EPHA6: variants seen among roughly 807,000 people sequenced by gnomAD.
The protein encoded by EPHA6 is ephrin type-A receptor 6.
In EPHA6, 50 loss-of-function variants were observed where a neutral mutation model predicts 112.0. The ratio of observed to expected loss-of-function variants is 0.45; its 90% CI spans 0.36 to 0.56. EPHA6 has a LOEUF of 0.56. Among genes scored for constraint, EPHA6 ranks in the 20% least tolerant of loss-of-function variants. The pLI is 0.00. For synonymous variants in EPHA6, 529 were observed against 490.7 expected, an observed-to-expected ratio of 1.08 and a Z score of -1.03; for missense variants, 1,280 against 1,417.4, an observed-to-expected ratio of 0.90 and a Z score of 1.56.
rs570478482 is a variant in EPHA6, at chr3:97,170,715, C to T, written c.1115-55549C>T. ...TCTTACCGCTGCCCTTCCACCTGGGCGACAGAGCGAGCCGATGTCTCAAAA... is the reference window on the plus strand; with the variant it reads ...TCTTACCGCTGCCCTTCCACCTGGGTGACAGAGCGAGCCGATGTCTCAAAA... On this transcript the variant is annotated intron_variant, in intron 3 of 17. Transcript: ENST00000389672. 9.2e-5 allele frequency among the ~76,000 whole-genome samples: 14 copies of T among 151,360 alleles called. No homozygotes were observed. In the East Asian group the frequency reaches 9.8e-4, roughly 11 times the overall value.
chr3:97,655,768 AG>A lies in EPHA6; in HGVS notation c.2784+17692del, dbSNP rs541675750. Among the ~76,000 whole-genome samples, 26 of 30,980 alleles carry A rather than the reference AG, an allele frequency of 8.4e-4. No homozygotes were observed. The East Asian group carries it at 0.026, about 31-fold the overall frequency. The allele number at this position is 30,980 out of a possible 152,430, so 20.3% of individuals were successfully genotyped here. A position where few individuals can be genotyped will look rare whatever the true frequency, so the allele number is the denominator to read the frequency against. ...GGGGGGCCTGTTGTGGAGTGGGGGG[AG>A]GGGGGAGGGATAGCATTAGGAGATA... On this transcript the variant is annotated intron_variant, in intron 14 of 17. Coordinates refer to ENST00000389672, the MANE Select transcript of EPHA6 (RefSeq NM_001080448.3).
chr3:97,102,792 T>C (rs1375515443), intron 3 of EPHA6, among the ~76,000 whole-genome samples: 1 of 151,770 alleles, frequency 6.6e-6, no homozygotes, highest in Non-Finnish European at 1.5e-5. Context: ...TCTGTTATCT[T>C]TTTTTTTGGC....
chr3:97,303,507 T>C (rs1168360599), intron 5 of EPHA6, among the ~76,000 whole-genome samples: 1 of 151,894 alleles, frequency 6.6e-6, no homozygotes, highest in African/African-American at 2.4e-5. Context: ...ATTATGGAGG[T>C]TGAGAAGTCC....
At chr3:96,913,006 G>A (rs2039296973) in intron 2 of EPHA6, among the ~76,000 whole-genome samples, 1 of 151,958 alleles carries the variant, frequency 6.6e-6, no homozygotes, top group South Asian at 2.1e-4. Flanking sequence ...GCAGTGTAAG[G>A]TAGAATTAGA....
chr3:96,984,001 T>A (rs1157815075), intron 2 of EPHA6, among the ~76,000 whole-genome samples: 1 of 152,164 alleles, frequency 6.6e-6, no homozygotes, highest in Admixed American at 6.5e-5. Context: ...GGTTCTAACT[T>A]CCTTCTTTAG....
chr3:97,260,025 T>C (rs1010265322), intron 5 of EPHA6, among the ~76,000 whole-genome samples: 5 of 152,136 alleles, frequency 3.3e-5, no homozygotes, highest in Middle Eastern at 3.2e-3. Context: ...GGTCTGGAAC[T>C]CCCGAACTCA....
chr3:97,032,444 A>T (rs1450196766), intron 3 of EPHA6, among the ~76,000 whole-genome samples: 1 of 152,120 alleles, frequency 6.6e-6, no homozygotes, highest in Non-Finnish European at 1.5e-5. Flanking sequence ...AACTTAAAGT[A>T]TAATAATAAA....
At chr3:96,919,091 CTACTG>C (rs1037238597) in intron 2 of EPHA6, among the ~76,000 whole-genome samples, 34 of 151,942 alleles carry the variant, frequency 2.2e-4, no homozygotes, top group African/African-American at 7.9e-4. Flanking sequence ...CTTATTGACT[CTACTG>C]TATTATTCAT....
intron 3 of EPHA6, among the ~76,000 whole-genome samples, chr3:97,109,383 A>G (rs1269465713): frequency 1.3e-5 from 2 of 152,176 alleles, no homozygotes; most frequent in Non-Finnish European, 1.5e-5. Flanking sequence ...ATGAAACACA[A>G]CTGTCTCTCA....
intron 11 of EPHA6, among the ~76,000 whole-genome samples, chr3:97,569,423 A>G (rs1251933666): frequency 6.6e-6 from 1 of 152,156 alleles, no homozygotes; most frequent in Non-Finnish European, 1.5e-5. Context: ...TTGATTTTGT[A>G]TTCATTGGCA....
At chr3:97,253,258 T>C (rs2079196103) in intron 5 of EPHA6, among the ~76,000 whole-genome samples, 1 of 152,234 alleles carries the variant, frequency 6.6e-6, no homozygotes, top group Non-Finnish European at 1.5e-5. Flanking sequence ...GACATTTTCC[T>C]GATTTTTATG....
chr3:97,708,768 C>A (rs942030114), intron 14 of EPHA6, among the ~76,000 whole-genome samples: 2 of 152,184 alleles, frequency 1.3e-5, no homozygotes, highest in African/African-American at 4.8e-5. Context: ...GGACTTGGTG[C>A]CCAGTGTCCC....
chr3:97,563,631 T>C (rs1399221173), intron 11 of EPHA6, among the ~76,000 whole-genome samples: 3 of 152,200 alleles, frequency 2.0e-5, no homozygotes, highest in Admixed American at 2.0e-4. Flanking sequence ...AAGTAAAATT[T>C]ATCTTTAAAA....
At chr3:97,619,646 A>G (rs1576098405) in intron 13 of EPHA6, among the ~76,000 whole-genome samples, 2 of 152,010 alleles carry the variant, frequency 1.3e-5, no homozygotes, top group Non-Finnish European at 2.9e-5. Context: ...TAGCCAAATC[A>G]CAAAGGAACC....
chr3:97,234,688 C>A (rs1576738979), intron 4 of EPHA6, among the ~76,000 whole-genome samples: 3 of 152,142 alleles, frequency 2.0e-5, no homozygotes, highest in East Asian at 3.9e-4. Context: ...ATTGATGATT[C>A]TTCTTCTTTT....
At chr3:97,586,727 T>TAGACAGACAGACAGAC (rs138628909) in intron 11 of EPHA6, among the ~76,000 whole-genome samples, 109 of 151,464 alleles carry the variant, frequency 7.2e-4, no homozygotes, top group East Asian at 1.4e-3. Context: ...GATGGATGGA[T>TAGACAGACAGACAGAC]AGACAGACAG....
At chr3:97,579,647 T>A (rs2093419408) in intron 11 of EPHA6, among the ~76,000 whole-genome samples, 1 of 152,192 alleles carries the variant, frequency 6.6e-6, no homozygotes, top group African/African-American at 2.4e-5. Context: ...TGCACCATTA[T>A]TTACACCACT....
chr3:97,364,185 A>G (rs1318368972), intron 5 of EPHA6, among the ~76,000 whole-genome samples: 2 of 152,102 alleles, frequency 1.3e-5, no homozygotes, highest in Non-Finnish European at 1.5e-5. Context: ...TTACCATGAA[A>G]AAAAGAGTTC....
At position 97,585,789 on chromosome 3, in the gene EPHA6, G is replaced by A. The variant is rs1185345836; in HGVS notation, c.2387-6823G>A. On this transcript the variant is annotated intron_variant, in intron 11 of 17. Coordinates refer to ENST00000389672, the MANE Select transcript of EPHA6 (RefSeq NM_001080448.3). The stretch of plus-strand genomic sequence containing the variant: ...GTTATGTGATTGCATCTTTGGATTA[G>A]TTTAGTCAGACTCAGTCCCTGAAAA... Among the ~76,000 whole-genome samples the A allele has an allele frequency of 3.5e-3, 525 of 152,128 alleles. 3 individuals are homozygous for A. The highest frequency in any genetic ancestry group is 0.012 in the African/African-American group (506 of 41,482).
Sources: gnomAD v4.1 joint callset for allele counts (sites outside exome capture counted in the v4.1 genomes callset) on GRCh38, gnomAD v4.1.1 for gene constraint, MANE v1.5 for transcripts, NCBI Gene and HGNC (gene_info 2026-07-23, HGNC 2026-07-21) for gene names.